GATAD2A: variants seen among roughly 807,000 people sequenced by gnomAD.
The protein encoded by GATAD2A is transcriptional repressor p66-alpha.
A neutral mutation model predicts 68.5 loss-of-function variants in GATAD2A; 12 were observed. The ratio of observed to expected loss-of-function variants is 0.18; its 90% CI spans 0.11 to 0.28. The LOEUF (loss-of-function observed/expected upper bound fraction) is 0.28. Among genes scored for constraint, GATAD2A ranks in the 10% least tolerant of loss-of-function variants. The pLI is 1.00. For synonymous variants in GATAD2A, 410 were observed against 375.3 expected (o/e 1.09, Z -1.07); for missense variants, 755 against 868.5 (o/e 0.87, Z 1.64).
At chr19:19,475,440 A>G (rs535070383) in intron 2 of GATAD2A, among the ~76,000 whole-genome samples, 10 of 151,806 alleles carry the variant, frequency 6.6e-5, no homozygotes, top group African/African-American at 2.4e-4. Flanking sequence ...GGGTCCAGAC[A>G]GGGGGCTCCG....
intron 1 of GATAD2A, among the ~76,000 whole-genome samples, chr19:19,453,527 G>T (rs1449420970): frequency 1.3e-5 from 2 of 152,032 alleles, no homozygotes; most frequent in Non-Finnish European, 2.9e-5. Flanking sequence ...ACAAGGTCTT[G>T]CTCCGTTGCC....
At chr19:19,450,510 C>G (rs1219874391) in intron 1 of GATAD2A, among the ~76,000 whole-genome samples, 2 of 152,198 alleles carry the variant, frequency 1.3e-5, no homozygotes, top group East Asian at 3.9e-4. Flanking sequence ...ATGTGTGCTG[C>G]TCATGTCTTT....
intron 1 of GATAD2A, among the ~76,000 whole-genome samples, chr19:19,454,746 A>G (rs1193162890): frequency 1.0e-5 from 1 of 98,242 alleles, no homozygotes; most frequent in Admixed American, 1.1e-4. Context: ...CCACCCCCTT[A>G]GGTTTCTGTT....
In GATAD2A at chr19:19,492,310, A is replaced by G; in HGVS notation, c.274A>G (p.Met92Val). The G allele has an allele frequency of 6.2e-7, 1 of 1,601,616 alleles. No homozygotes were observed. Residue 92 changes from methionine to valine, a missense_variant, in exon 3 of 12, where the codon ATG becomes GTG. Transcript: ENST00000683918. The part of the protein sequence containing the change: ...PVDMRTSHSD[M>V]KSERRPPSPD... ...ACTACTGTCTCCACCCCACAGTGAC[A>G]TGAAGTCCGAGAGGAGACCCCCCTC...
chr19:19,436,614 G>A (rs1164753234), intron 1 of GATAD2A, among the ~76,000 whole-genome samples: 1 of 152,338 alleles, frequency 6.6e-6, no homozygotes, highest in Non-Finnish European at 1.5e-5. Flanking sequence ...GCCCCACACT[G>A]GTTCTTGGAG....
At chr19:19,496,289 G>C in intron 7 of GATAD2A, 70 bp downstream of exon 7, 3 of 1,382,104 alleles carry the variant, frequency 2.2e-6, no homozygotes, top group Non-Finnish European at 3.1e-6. Flanking sequence ...TTGGACCCAG[G>C]TTCTGGGGCA....
At chr19:19,435,434 G>T (rs149948705) in intron 1 of GATAD2A, among the ~76,000 whole-genome samples, 1 of 152,070 alleles carries the variant, frequency 6.6e-6, no homozygotes, top group African/African-American at 2.4e-5. Flanking sequence ...CATGTTGCCC[G>T]GGCTTGTCTC....
chr19:19,484,522 T>TTTTTTTTC (rs2059284282), intron 2 of GATAD2A, among the ~76,000 whole-genome samples: 1 of 149,376 alleles, frequency 6.7e-6, no homozygotes, highest in African/African-American at 2.5e-5. Flanking sequence ...CTTTTTCTTT[T>TTTTTTTTC]TTTTTTTTTC....
intron 1 of GATAD2A, among the ~76,000 whole-genome samples, chr19:19,450,210 T>C (rs1377221647): frequency 6.6e-6 from 1 of 152,230 alleles, no homozygotes; most frequent in Non-Finnish European, 1.5e-5. Context: ...GGGAACCAGC[T>C]TATATTCGTG....
chr19:19,385,863 G>C (rs1456265014), exon 1 of GATAD2A: 1 of 151,798 alleles, frequency 6.6e-6, no homozygotes, highest in Non-Finnish European at 1.5e-5. Context: ...TGAGCCGCGA[G>C]ACTGAGCTGC....
chr19:19,485,771 C>G (rs1247023587), intron 2 of GATAD2A, among the ~76,000 whole-genome samples: 1 of 152,220 alleles, frequency 6.6e-6, no homozygotes, highest in African/African-American at 2.4e-5. Flanking sequence ...GGGGGCCTTG[C>G]AGAGTTTGGT....
chr19:19,449,064 C>T (rs949176979), intron 1 of GATAD2A, among the ~76,000 whole-genome samples: 14 of 152,176 alleles, frequency 9.2e-5, no homozygotes, highest in African/African-American at 3.1e-4. Flanking sequence ...ATAATCCCTA[C>T]ACCATCTTCC....
intron 5 of GATAD2A, among the ~76,000 whole-genome samples, chr19:19,495,217 C>G (rs7508358): frequency 0.049 from 7,465 of 152,242 alleles, 256 homozygotes; most frequent in East Asian, 0.13. Context: ...TGTTCTCAAA[C>G]CCCTGGGCTC....
chr19:19,483,026 G>A (rs566547200), intron 2 of GATAD2A, among the ~76,000 whole-genome samples: 2 of 152,146 alleles, frequency 1.3e-5, no homozygotes, highest in East Asian at 3.9e-4. Context: ...TCCCTGGCTG[G>A]GCCCTTTGAC....
chr19:19,480,908 G>C (rs541999178), intron 2 of GATAD2A, among the ~76,000 whole-genome samples: 2 of 152,348 alleles, frequency 1.3e-5, no homozygotes, highest in Admixed American at 1.3e-4. Flanking sequence ...GAGGTTTCCA[G>C]GCACAGCGAG....
At chr19:19,483,538 C>T (rs1600248672) in intron 2 of GATAD2A, among the ~76,000 whole-genome samples, 1 of 151,978 alleles carries the variant, frequency 6.6e-6, no homozygotes, top group East Asian at 1.9e-4. Flanking sequence ...GGGGCTGCGG[C>T]TGGCGAGAAG....
chr19:19,490,308 TAGCATTGGTGA>T (rs1404644748), intron 2 of GATAD2A, among the ~76,000 whole-genome samples: 1 of 151,984 alleles, frequency 6.6e-6, no homozygotes, highest in Admixed American at 6.6e-5. Context: ...GAGTCCAGGG[TAGCATTGGTGA>T]AGCCTTAACC....
In GATAD2A at chr19:19,405,935, C is replaced by T. The variant is rs919107948; in HGVS notation, c.-91C>T. ...GCGCGGCCCGGCGTCCCCGGCCCCT[C>T]CGCCGCCCGGCCCCGCGGGCGACCC... is the stretch of plus-strand genomic sequence containing the variant. On this transcript the variant is annotated 5_prime_UTR_variant, in exon 1 of 12. Coordinates refer to ENST00000683918, the MANE Select transcript of GATAD2A (RefSeq NM_001384528.1). The T allele has an allele frequency of 2.7e-5, 4 of 147,436 alleles. No homozygotes were observed. Among genetic ancestry groups the T allele is most frequent in the Admixed American group, 2.0e-4 (3 of 14,866 alleles). 9.1% of individuals were successfully genotyped at this position (147,436 alleles called of 1,614,324 possible).
Position 19,453,393 on chromosome 19 carries a change from G to T in GATAD2A, c.-6-11947G>T, listed in dbSNP as rs114257973. 4.2e-3 allele frequency among the ~76,000 whole-genome samples: 636 copies of T among 152,302 alleles called. 4 individuals carry two copies. The highest frequency in any genetic ancestry group is 0.015 in the African/African-American group (613 of 41,560). ...TATAAAATTGACCCTGTAGCAAGCT[G>T]TCTTGTCTGCACATAGCACTTTTTG... On this transcript the variant is annotated intron_variant, in intron 1 of 11. Transcript: ENST00000683918.
Sources: gnomAD v4.1 joint callset for allele counts (sites outside exome capture counted in the v4.1 genomes callset) on GRCh38, gnomAD v4.1.1 for gene constraint, MANE v1.5 for transcripts, NCBI Gene and HGNC (gene_info 2026-07-23, HGNC 2026-07-21) for gene names.